ODF2L: variants seen among roughly 807,000 people sequenced by gnomAD.
ODF2L encodes protein BCAP.
Under a neutral mutation model 86.3 loss-of-function variants are expected in ODF2L, and 76 were observed. The ratio of observed to expected loss-of-function variants is 0.88; its 90% CI spans 0.73 to 1.07. The LOEUF (loss-of-function observed/expected upper bound fraction) is 1.07. Ranked by LOEUF, ODF2L falls within the 50% of genes least tolerant of loss-of-function variation. ODF2L has a pLI of 0.00. For synonymous variants in ODF2L, 241 were observed against 231.3 expected, an observed-to-expected ratio of 1.04 and a Z score of -0.38; for missense variants, 748 against 717.4, an observed-to-expected ratio of 1.04 and a Z score of -0.49.
At chr1:86,359,046 C>T (rs1206453461) in intron 12 of ODF2L, among the ~76,000 whole-genome samples, 155 bp from the exon 12 acceptor site, 2 of 152,084 alleles carry the variant, frequency 1.3e-5, no homozygotes, top group Non-Finnish European at 2.9e-5. Context: ...AATATGGAAT[C>T]ACTCAGTGCT....
At chr1:86,379,639 G>T (rs1217022790) in intron 7 of ODF2L, among the ~76,000 whole-genome samples, 2 of 152,042 alleles carry the variant, frequency 1.3e-5, no homozygotes, top group Non-Finnish European at 2.9e-5. Context: ...GGCTATAGAC[G>T]AGATAAACAG....
chr1:86,376,980 C>T (rs1660218192), intron 7 of ODF2L, among the ~76,000 whole-genome samples: 1 of 152,156 alleles, frequency 6.6e-6, no homozygotes, highest in African/African-American at 2.4e-5. Context: ...TTCATTCCAG[C>T]ATTAACCCAA....
chr1:86,380,466 G>GTCA (rs1291555296), intron 7 of ODF2L, among the ~76,000 whole-genome samples: 4 of 152,104 alleles, frequency 2.6e-5, no homozygotes, highest in Non-Finnish European at 5.9e-5. Context: ...TCCACACGGT[G>GTCA]TCATCATCAC....
exon 12 of ODF2L, chr1:86,360,444 A>G: frequency 6.5e-7 from 1 of 1,534,812 alleles, no homozygotes; most frequent in East Asian, 2.3e-5. Flanking sequence ...TATACATTTC[A>G]ATAAGGGTTT....
At chr1:86,376,187 C>T (rs779204489) in intron 8 of ODF2L, 46 bp downstream of exon 8, 34 of 1,022,742 alleles carry the variant, frequency 3.3e-5, no homozygotes, top group African/African-American at 8.1e-5. Context: ...ATATAAACTA[C>T]GTACATAATA....
At chr1:86,385,349 A>T in intron 3 of ODF2L, 109 bp downstream of exon 3, 1 of 611,430 alleles carries the variant, frequency 1.6e-6, no homozygotes, top group Non-Finnish European at 2.8e-6. Context: ...CATTTTTGGT[A>T]TGAAATACTC....
At chr1:86,358,302 C>T (rs1436696069) in intron 13 of ODF2L, 2 of 152,404 alleles carry the variant, frequency 1.3e-5, no homozygotes, top group Admixed American at 6.6e-5. Flanking sequence ...CATCATAACT[C>T]GCCAACACTG....
exon 17 of ODF2L, chr1:86,352,907 A>G: frequency 6.4e-7 from 1 of 1,554,466 alleles, no homozygotes; most frequent in Non-Finnish European, 8.8e-7. Flanking sequence ...TTTTCTTTCT[A>G]AGCTCAGTTT....
At chr1:86,363,733 T>C (rs1247206429) in intron 11 of ODF2L, among the ~76,000 whole-genome samples, 1 of 151,888 alleles carries the variant, frequency 6.6e-6, no homozygotes, top group Non-Finnish European at 1.5e-5. Flanking sequence ...CTTTCAGTTA[T>C]GAGATTACAG....
intron 8 of ODF2L, among the ~76,000 whole-genome samples, 156 bp downstream of exon 8, chr1:86,376,077 T>C (rs1233146069): frequency 6.6e-6 from 1 of 152,188 alleles, no homozygotes; most frequent in Admixed American, 6.6e-5. Context: ...TATGTAATAT[T>C]TCAAAGTAAA....
chr1:86,355,688 C>T (rs1273017862), intron 14 of ODF2L, among the ~76,000 whole-genome samples: 1 of 152,132 alleles, frequency 6.6e-6, no homozygotes, highest in Non-Finnish European at 1.5e-5. Context: ...TTCCCACTCT[C>T]CACCCTCTGA....
chr1:86,355,446 T>G, intron 14 of ODF2L: 1 of 861,706 alleles, frequency 1.2e-6, no homozygotes, highest in Non-Finnish European at 1.9e-6. Context: ...TAATTTCAAT[T>G]AGTAATTTAG....
exon 11 of ODF2L, chr1:86,368,642 A>C: frequency 7.0e-6 from 10 of 1,432,530 alleles, no homozygotes; most frequent in Admixed American, 2.3e-5. Context: ...ATACCTTTTC[A>C]GAAGAAATGT....
intron 14 of ODF2L, chr1:86,355,312 C>G (rs1658460139): frequency 7.1e-7 from 1 of 1,417,900 alleles, no homozygotes; most frequent in African/African-American, 1.4e-5. Flanking sequence ...TTTTGAGAAG[C>G]AAAGTGAACA....
exon 18 of ODF2L, chr1:86,352,135 C>A: frequency 6.7e-7 from 1 of 1,485,378 alleles, no homozygotes; most frequent in South Asian, 1.4e-5. Flanking sequence ...TCATTTAACT[C>A]TTGAATCTTT....
At position 86,382,293 on chromosome 1, in the gene ODF2L, G is replaced by C. The variant is rs143933980; in HGVS notation, c.573C>G (p.Ile191Met). The change falls in exon 7 of 18, where the codon ATC becomes ATG. Residue 191 changes from isoleucine (I) to methionine (M), a missense_variant. Coordinates refer to ENST00000317336, the Ensembl canonical transcript of ODF2L. ...TCTCGGCTTCCCTTTTATGAATTTG[G>C]ATCTGTAGTCGTTCATGTACTACTT... 257 of 1,611,664 alleles carry C rather than the reference G, an allele frequency of 1.6e-4. 2 individuals are homozygous for C. In the East Asian group the frequency reaches 5.3e-3, roughly 33 times the overall value.
At chr1:86,375,890 T>G (rs1660133218) in intron 8 of ODF2L, among the ~76,000 whole-genome samples, 1 of 152,196 alleles carries the variant, frequency 6.6e-6, no homozygotes, top group African/African-American at 2.4e-5. Context: ...GAACCTTTAA[T>G]TTGCTAACAT....
At chr1:86,366,159 G>A (rs893943626) in intron 11 of ODF2L, among the ~76,000 whole-genome samples, 2 of 151,972 alleles carry the variant, frequency 1.3e-5, no homozygotes, top group African/African-American at 4.8e-5. Context: ...TGTTTCGTTA[G>A]TCTTTTTATT....
intron 2 of ODF2L, chr1:86,386,578 G>A (rs1345622654): frequency 4.7e-6 from 1 of 211,276 alleles, no homozygotes; most frequent in Non-Finnish European, 9.3e-6. Context: ...AGTAGAGATG[G>A]GGTTTCACCA....
Sources: allele counts gnomAD v4.1 joint callset (sites outside exome capture counted in the v4.1 genomes callset), GRCh38; gene constraint gnomAD v4.1.1; transcripts MANE v1.5; gene names NCBI Gene and HGNC (gene_info 2026-07-23, HGNC 2026-07-21).